The following DNAH5 variants were observed in gnomAD, a reference collection of about 807,000 sequenced individuals.
The protein encoded by DNAH5 is dynein axonemal heavy chain 5.
Under a neutral mutation model 518.2 loss-of-function variants are expected in DNAH5, and 372 were observed. The ratio of observed to expected loss-of-function variants is 0.72; its 90% CI spans 0.66 to 0.78. DNAH5 has a LOEUF of 0.78. DNAH5 is among the 30% of genes least tolerant of loss of function. The pLI is 0.00. For missense variants in DNAH5, 5,523 were observed against 5,687.0 expected, an observed-to-expected ratio of 0.97 and a Z score of 0.93; for synonymous variants, 2,039 against 2,025.9, an observed-to-expected ratio of 1.01 and a Z score of -0.17.
intron 12 of DNAH5, among the ~76,000 whole-genome samples, chr5:13,908,429 T>C (rs1018980672): frequency 2.0e-5 from 3 of 152,196 alleles, no homozygotes; most frequent in African/African-American, 7.2e-5. Flanking sequence ...TTTACCTGGT[T>C]TTCCTTGCCT....
In DNAH5 at chr5:13,729,444, C is replaced by G. The variant is rs1427985287; in HGVS notation, c.11878G>C (p.Asp3960His). 1 of 1,613,890 alleles carries G rather than the reference C, an allele frequency of 6.2e-7. No individual in the cohort carries two copies. The highest frequency in any genetic ancestry group is 1.7e-5 in the Admixed American group (1 of 60,020). Reference sequence around the variant, plus strand: ...TTGATTCAAAGCACAGTTACCTGGTCAAGGACATCTGAAAACTGTCTGAGT... The same window carrying G: ...TTGATTCAAAGCACAGTTACCTGGTGAAGGACATCTGAAAACTGTCTGAGT... ...SKLRQFSDVL[D>H]QISRNEKMWK... Residue 3960 changes from aspartate (D) to histidine (H), a missense_variant, in exon 69 of 79, where the codon GAC becomes CAC. Coordinates refer to ENST00000265104, the MANE Select transcript of DNAH5 (RefSeq NM_001369.3).
intron 43 of DNAH5, among the ~76,000 whole-genome samples, chr5:13,813,698 A>G (rs1448273287): frequency 6.6e-6 from 1 of 152,188 alleles, no homozygotes; most frequent in Non-Finnish European, 1.5e-5. Context: ...ATTTTGCTAT[A>G]TGATTCCCTC....
intron 1 of DNAH5, among the ~76,000 whole-genome samples, chr5:13,966,155 A>C (rs930385738): frequency 4.6e-5 from 7 of 152,238 alleles, no homozygotes; most frequent in African/African-American, 1.7e-4. Flanking sequence ...AGGTTGCTGC[A>C]AATGCCATTA....
At chr5:14,006,003 CCT>C (rs1383155647) in intron 1 of DNAH5, among the ~76,000 whole-genome samples, 1 of 152,110 alleles carries the variant, frequency 6.6e-6, no homozygotes, top group Non-Finnish European at 1.5e-5. Flanking sequence ...CCTGCAGCCC[CCT>C]GTTCCAAACC....
intron 1 of DNAH5, among the ~76,000 whole-genome samples, chr5:13,933,843 A>G (rs1012381086): frequency 6.6e-6 from 1 of 151,342 alleles, no homozygotes; most frequent in Admixed American, 6.6e-5. Flanking sequence ...TAGAAAGGAG[A>G]CCAAGAAACC....
chr5:13,956,135 C>G (rs1180517405), intron 1 of DNAH5, among the ~76,000 whole-genome samples: 1 of 152,198 alleles, frequency 6.6e-6, no homozygotes. Flanking sequence ...TGTCAAGAAT[C>G]TGTTCCCATG....
rs147483390 is a variant in DNAH5 at position 13,798,473 on chromosome 5, T to G, written c.7888-4415A>C. 2.0e-5 allele frequency among the ~76,000 whole-genome samples: 3 copies of G among 152,094 alleles called. No homozygotes were observed. In the South Asian group the frequency reaches 6.2e-4, roughly 32 times the overall value. ...TTATATAACTGTAGGAATCCACTAATGCATGATTTTAAATCATGTTAAAGA... is the reference window on the plus strand; with the variant it reads ...TTATATAACTGTAGGAATCCACTAAGGCATGATTTTAAATCATGTTAAAGA... On this transcript the variant is annotated intron_variant, in intron 47 of 78. Transcript: ENST00000265104.
intron 1 of DNAH5, among the ~76,000 whole-genome samples, chr5:14,001,483 C>A (rs1784347598): frequency 6.6e-6 from 1 of 152,006 alleles, no homozygotes; most frequent in Admixed American, 6.6e-5. Flanking sequence ...CCTGCCTCAG[C>A]CTCCTGAGTA....
intron 19 of DNAH5, among the ~76,000 whole-genome samples, chr5:13,884,180 G>A (rs186636990): frequency 1.5e-3 from 232 of 152,224 alleles, no homozygotes; most frequent in Admixed American, 2.4e-3. Flanking sequence ...CATAAAAATA[G>A]TAAAATACAT....
At chr5:13,988,921 T>C (rs1385054127) in intron 1 of DNAH5, among the ~76,000 whole-genome samples, 1 of 150,818 alleles carries the variant, frequency 6.6e-6, no homozygotes, top group Non-Finnish European at 1.5e-5. Flanking sequence ...AGAGACGGGG[T>C]TTCACCATGT....
intron 40 of DNAH5, among the ~76,000 whole-genome samples, chr5:13,822,365 C>T (rs2151818888): frequency 6.6e-6 from 1 of 152,154 alleles, no homozygotes; most frequent in East Asian, 1.9e-4. Flanking sequence ...ACCCTCCCAC[C>T]TCAGCATCCA....
chr5:13,730,559 T>A lies in DNAH5; in HGVS notation c.11762-999A>T, dbSNP rs13355651. ...ATGCCATTCTCCTGCCTCAGCCTCC[T>A]GAGTAGCTGGGACTACAGGCACCCG... On this transcript the variant is annotated intron_variant, in intron 68 of 78. Coordinates refer to ENST00000265104, the MANE Select transcript of DNAH5 (RefSeq NM_001369.3). Among the ~76,000 whole-genome samples, 961 of 152,068 alleles carry A rather than the reference T, an allele frequency of 6.3e-3. 11 individuals carry two copies. Among genetic ancestry groups the A allele is most frequent in the African/African-American group, 0.022 (894 of 41,490 alleles).
chr5:13,695,622 G>T (rs1442520153), intron 78 of DNAH5, among the ~76,000 whole-genome samples: 2 of 152,100 alleles, frequency 1.3e-5, no homozygotes. Flanking sequence ...AGGAATCATG[G>T]GCAAATTACC....
At chr5:13,826,902 G>C (rs1762959064) in intron 38 of DNAH5, among the ~76,000 whole-genome samples, 1 of 152,218 alleles carries the variant, frequency 6.6e-6, no homozygotes, top group African/African-American at 2.4e-5. Context: ...GGGCTCAGAA[G>C]ACAAGAAGAC....
intron 1 of DNAH5, among the ~76,000 whole-genome samples, chr5:13,974,199 G>A (rs556321947): frequency 8.7e-5 from 13 of 148,702 alleles, no homozygotes; most frequent in African/African-American, 2.7e-4. Context: ...GCAGTGGTGC[G>A]ATCTTGGGTT....
In DNAH5 at chr5:13,809,140, C is replaced by T. The variant is rs764554950; in HGVS notation, c.7656G>A (p.Pro2552=). The part of the protein sequence containing the change: ...WNTRTQEYLY[P]SDTTPEYGSI... ...AACCATACTCTGGGGTGGTATCAGACGGATACAGGTATTCCTGGGTACGCG... is the reference window on the plus strand; with the variant it reads ...AACCATACTCTGGGGTGGTATCAGATGGATACAGGTATTCCTGGGTACGCG... The change falls in exon 46 of 79, where the codon CCG becomes CCA. Residue 2552 remains proline (P), a synonymous_variant. Coordinates refer to ENST00000265104, the MANE Select transcript of DNAH5 (RefSeq NM_001369.3). The T allele has an allele frequency of 1.1e-5, 18 of 1,614,142 alleles. No homozygotes were observed. Among genetic ancestry groups the T allele is most frequent in the Middle Eastern group, 3.3e-4 (2 of 6,062 alleles).
intron 71 of DNAH5, among the ~76,000 whole-genome samples, chr5:13,720,280 C>G (rs1483859741): frequency 6.6e-6 from 1 of 152,206 alleles, no homozygotes; most frequent in Admixed American, 6.5e-5. Context: ...ACACCGTCCA[C>G]AATTCAAAAC....
chr5:13,752,421 C>A, intron 63 of DNAH5, 132 bp from the exon 64 acceptor site: 1 of 1,109,842 alleles, frequency 9.0e-7, no homozygotes. Context: ...CCAAAATGTT[C>A]CCAAATACAA....
intron 63 of DNAH5, 80 bp from the exon 64 acceptor site, chr5:13,752,369 C>T (rs1038823576): frequency 3.3e-6 from 5 of 1,493,348 alleles, no homozygotes; most frequent in African/African-American, 1.4e-5. Flanking sequence ...TCAAATGAAG[C>T]CTAAAGCATT....
Sources: gnomAD v4.1 joint callset for allele counts (sites outside exome capture counted in the v4.1 genomes callset) on GRCh38, gnomAD v4.1.1 for gene constraint, MANE v1.5 for transcripts, NCBI Gene and HGNC (gene_info 2026-07-23, HGNC 2026-07-21) for gene names.